MCF2L2: variants seen among roughly 807,000 people sequenced by gnomAD.
MCF2L2 encodes the protein MCF.2 cell line derived transforming sequence-like 2.
MCF2L2 carries 102 observed loss-of-function variants against 150.2 expected under a neutral mutation model. The ratio of observed to expected loss-of-function variants is 0.68; its 90% CI spans 0.58 to 0.80. MCF2L2 has a LOEUF of 0.80. MCF2L2 is among the 30% of genes least tolerant of loss of function. The pLI, the probability that MCF2L2 is intolerant of heterozygous loss-of-function variation, is 0.00. For synonymous variants in MCF2L2, 465 were observed against 491.3 expected, an observed-to-expected ratio of 0.95 and a Z score of 0.71; for missense variants, 1,256 against 1,372.8, an observed-to-expected ratio of 0.91 and a Z score of 1.34.
intron 21 of MCF2L2, among the ~76,000 whole-genome samples, chr3:183,216,329 G>A (rs1722909109): frequency 1.3e-5 from 2 of 150,246 alleles, no homozygotes; most frequent in East Asian, 3.9e-4. Context: ...AGTGACGAAT[G>A]AAGTTCATAA....
chr3:183,217,578 C>G (rs1324932419), intron 21 of MCF2L2, among the ~76,000 whole-genome samples: 1 of 152,120 alleles, frequency 6.6e-6, no homozygotes, highest in African/African-American at 2.4e-5. Flanking sequence ...TTAAAATCAT[C>G]CCAGAGGAGG....
Position 183,341,586 on chromosome 3 carries a change from C to T in MCF2L2, c.320G>A (p.Arg107Gln), listed in dbSNP as rs1293584286. 2.5e-6 allele frequency: 4 copies of T among 1,613,990 alleles called. No homozygotes were observed. In the South Asian group the frequency reaches 3.3e-5, roughly 13 times the overall value. Residue 107 changes from arginine to glutamine, a missense_variant, in exon 4 of 30, where the codon CGA becomes CAA. Physicochemically the swap from Arg to Gln is conservative, Grantham distance 43. Transcript: ENST00000328913. ...CTTTACGGAGCTCCACTTGTCTCTTCGTCTGTCGATAACAACAATGAATCC... is the reference window on the plus strand; with the variant it reads ...CTTTACGGAGCTCCACTTGTCTCTTTGTCTGTCGATAACAACAATGAATCC... The part of the protein sequence containing the change: ...SIGFIVVIDR[R>Q]RDKWSSVKAS...
chr3:183,423,025 G>A (rs180694597), intron 1 of MCF2L2, among the ~76,000 whole-genome samples: 14 of 152,204 alleles, frequency 9.2e-5, no homozygotes, highest in African/African-American at 2.6e-4. Context: ...TAAATTTGTC[G>A]ATCAATTTTT....
intron 15 of MCF2L2, among the ~76,000 whole-genome samples, chr3:183,233,527 G>GA (rs1445895991): frequency 2.0e-5 from 3 of 151,942 alleles, no homozygotes; most frequent in Admixed American, 6.6e-5. Flanking sequence ...TATTTTTAGT[G>GA]AAAAAACAAA....
chr3:183,351,609 T>C (rs1468670487), intron 3 of MCF2L2, among the ~76,000 whole-genome samples: 3 of 152,156 alleles, frequency 2.0e-5, no homozygotes, highest in Non-Finnish European at 4.4e-5. Context: ...ATGATTGTCA[T>C]AGATATACTG....
chr3:183,311,012 T>C lies in MCF2L2; in HGVS notation c.896A>G (p.Asp299Gly), dbSNP rs904945497. 1.4e-5 allele frequency: 23 copies of C among 1,611,160 alleles called. No individual in the cohort carries two copies. Among genetic ancestry groups the C allele is most frequent in the Non-Finnish European group, 1.9e-5 (22 of 1,177,464 alleles). ...TTMERLLVQL[D>G]ETEKAFSHFW... Reference sequence around the variant, plus strand: ...GTGACTAAAGGCTTTTTCTGTTTCATCCAGTTGAACTAATAACCTTTCAAG... The same window carrying C: ...GTGACTAAAGGCTTTTTCTGTTTCACCCAGTTGAACTAATAACCTTTCAAG... Residue 299 changes from aspartate to glycine, a missense_variant, in exon 9 of 30, where the codon GAT (aspartate) becomes GGT (glycine). Transcript: ENST00000328913.
intron 10 of MCF2L2, among the ~76,000 whole-genome samples, chr3:183,308,622 C>A (rs960894143): frequency 6.6e-6 from 1 of 152,186 alleles, no homozygotes; most frequent in African/African-American, 2.4e-5. Context: ...CAAGCACCTG[C>A]AGCTCAGAAT....
intron 1 of MCF2L2, among the ~76,000 whole-genome samples, chr3:183,395,488 T>C (rs1467225283): frequency 6.6e-6 from 1 of 152,246 alleles, no homozygotes; most frequent in African/African-American, 2.4e-5. Context: ...AAGTATGCAC[T>C]GGTAGCCTTT....
intron 18 of MCF2L2, 59 bp from the exon 19 acceptor site, chr3:183,224,249 G>T: frequency 9.3e-7 from 1 of 1,077,004 alleles, no homozygotes. Context: ...AAGTGGACAG[G>T]ATGATACAGT....
rs186543334 is a variant in MCF2L2, at chr3:183,272,090, T to C, written c.1862+4782A>G. Reference sequence around the variant, plus strand: ...TCTTTATTTTCTAAATATTTCAAACTTGAAAACAGAGTAAAAAAGTGATAG... The same window carrying C: ...TCTTTATTTTCTAAATATTTCAAACCTGAAAACAGAGTAAAAAAGTGATAG... On this transcript the variant is annotated intron_variant, in intron 15 of 29. Coordinates refer to ENST00000328913, the MANE Select transcript of MCF2L2 (RefSeq NM_015078.4). 15 of 916,490 alleles carry C rather than the reference T, an allele frequency of 1.6e-5. No homozygotes were observed. The Middle Eastern group carries it at 1.7e-3, about 105-fold the overall frequency. The allele number at this position is 916,490 out of a possible 1,614,324, so 56.8% of individuals were successfully genotyped here. A position where few individuals can be genotyped will look rare whatever the true frequency, so the allele number is the denominator to read the frequency against.
intron 13 of MCF2L2, among the ~76,000 whole-genome samples, chr3:183,289,538 T>C (rs1015475312): frequency 3.3e-5 from 5 of 152,116 alleles, no homozygotes; most frequent in African/African-American, 9.7e-5. Flanking sequence ...TTTTCTGTCA[T>C]TCCCATTTTT....
intron 12 of MCF2L2, 73 bp downstream of exon 12, chr3:183,296,903 A>T: frequency 6.8e-7 from 1 of 1,480,386 alleles, no homozygotes; most frequent in Admixed American, 2.0e-5. Flanking sequence ...GTACTTTATC[A>T]GGAAGAAGGT....
At chr3:183,400,716 A>T (rs546259949) in intron 1 of MCF2L2, among the ~76,000 whole-genome samples, 1 of 152,212 alleles carries the variant, frequency 6.6e-6, no homozygotes, top group East Asian at 1.9e-4. Flanking sequence ...AAACTGGGGG[A>T]TGACAGCGAG....
intron 15 of MCF2L2, among the ~76,000 whole-genome samples, chr3:183,250,025 T>C (rs1724443062): frequency 2.0e-5 from 3 of 152,126 alleles, no homozygotes; most frequent in Admixed American, 2.0e-4. Context: ...ATACAACTTT[T>C]TTCCCCTCCC....
At chr3:183,257,058 C>T (rs770712184) in intron 15 of MCF2L2, among the ~76,000 whole-genome samples, 1 of 151,784 alleles carries the variant, frequency 6.6e-6, no homozygotes, top group Non-Finnish European at 1.5e-5. Flanking sequence ...AAGAAAAAAA[C>T]CTGAAAAAAA....
At chr3:183,206,018 C>T (rs1722457476) in intron 24 of MCF2L2, 64 bp from the exon 25 acceptor site, 18 of 1,558,932 alleles carry the variant, frequency 1.2e-5, no homozygotes, top group Middle Eastern at 3.4e-4. Context: ...AGTTTTTATT[C>T]TCCCAGTGAC....
chr3:183,322,298 T>C (rs2108519822), intron 6 of MCF2L2, among the ~76,000 whole-genome samples: 1 of 152,308 alleles, frequency 6.6e-6, no homozygotes, highest in Non-Finnish European at 1.5e-5. Context: ...ATTCCCCACA[T>C]CAAACTTTCA....
intron 1 of MCF2L2, among the ~76,000 whole-genome samples, chr3:183,391,032 T>C (rs1335155970): frequency 1.3e-5 from 2 of 152,224 alleles, no homozygotes; most frequent in Non-Finnish European, 2.9e-5. Context: ...GGGAATTTCC[T>C]ACTGATTCAT....
chr3:183,274,071 C>T (rs76687573), intron 15 of MCF2L2, among the ~76,000 whole-genome samples: 3,917 of 152,146 alleles, frequency 0.026, 175 homozygotes, highest in African/African-American at 0.087. Context: ...AAAAATCAGC[C>T]AGGTGTGGTG....
Sources: gnomAD v4.1 joint callset for allele counts (sites outside exome capture counted in the v4.1 genomes callset) on GRCh38, gnomAD v4.1.1 for gene constraint, MANE v1.5 for transcripts, NCBI Gene and HGNC (gene_info 2026-07-23, HGNC 2026-07-21) for gene names.